GTF2IRD1: variants seen among roughly 807,000 people sequenced by gnomAD.
GTF2IRD1 encodes GTF2I repeat domain containing 1, also known as general transcription factor II-I repeat domain-containing protein 1.
GTF2IRD1 carries 26 observed loss-of-function variants against 113.2 expected under a neutral mutation model. That is an observed-to-expected ratio of 0.23 (90% CI 0.17 to 0.32). The LOEUF is 0.32. Ranked by LOEUF, GTF2IRD1 falls within the 10% of genes least tolerant of loss-of-function variation. The probability of loss-of-function intolerance (pLI) is 1.00; values close to 1 mark genes in which losing one functional copy is unlikely to be tolerated. For synonymous variants in GTF2IRD1, 484 were observed against 529.1 expected, an observed-to-expected ratio of 0.91 and a Z score of 1.17; for missense variants, 864 against 1,280.8, an observed-to-expected ratio of 0.67 and a Z score of 4.97.
intron 9 of GTF2IRD1, among the ~76,000 whole-genome samples, chr7:74,532,510 C>T (rs963108740): frequency 3.9e-5 from 6 of 152,278 alleles, no homozygotes; most frequent in Non-Finnish European, 7.3e-5. Context: ...GCTATGATCA[C>T]GCCACTGCAC....
chr7:74,514,988 T>C, intron 3 of GTF2IRD1, among the ~76,000 whole-genome samples: 1 of 131,600 alleles, frequency 7.6e-6, no homozygotes. Context: ...ACCCTGGAGG[T>C]GGAGGTTGTA....
intron 1 of GTF2IRD1, among the ~76,000 whole-genome samples, chr7:74,491,213 C>T (rs556899617): frequency 1.3e-5 from 2 of 150,900 alleles, no homozygotes; most frequent in South Asian, 2.1e-4. Context: ...GGCTGAGGCA[C>T]GAGAATCGCC....
intron 25 of GTF2IRD1, 39 bp downstream of exon 25, chr7:74,595,090 G>A (rs782315861): frequency 2.0e-6 from 3 of 1,473,440 alleles, no homozygotes; most frequent in Admixed American, 3.4e-5. Flanking sequence ...CTGCTCCGTG[G>A]GGACTAGAGA....
At chr7:74,478,938 G>A (rs1340524321) in intron 1 of GTF2IRD1, among the ~76,000 whole-genome samples, 1 of 151,884 alleles carries the variant, frequency 6.6e-6, no homozygotes, top group Non-Finnish European at 1.5e-5. Context: ...TTATAGAGAT[G>A]GGGTCTCACT....
chr7:74,502,337 T>C (rs1796076041), intron 1 of GTF2IRD1, among the ~76,000 whole-genome samples: 1 of 152,220 alleles, frequency 6.6e-6, no homozygotes, highest in Non-Finnish European at 1.5e-5. Flanking sequence ...TAGGCTGCAC[T>C]TCACTGGGGT....
rs1320958382 is a variant in GTF2IRD1 at position 74,517,425 on chromosome 7, ACCTTTT to A, written c.422-713_422-708del. ...TCGGTCTCTCTCCCTTCCTCCCTAC[ACCTTTT>A]TTTTTTTTTTTTTTTTTTTGAGATG... On this transcript the variant is annotated intron_variant, in intron 4 of 26. Transcript: ENST00000424337. Among the ~76,000 whole-genome samples, 54 of 86,202 alleles carry A rather than the reference ACCTTTT, an allele frequency of 6.3e-4. 2 individuals carry two copies. The East Asian group carries it at 7.4e-3, about 12-fold the overall frequency. 56.6% of individuals were successfully genotyped at this position (86,202 alleles called of 152,430 possible).
intron 22 of GTF2IRD1, among the ~76,000 whole-genome samples, chr7:74,564,533 T>C (rs1254109455): frequency 1.3e-5 from 2 of 152,106 alleles, no homozygotes; most frequent in Admixed American, 1.3e-4. Flanking sequence ...GGAAAATCAC[T>C]TGAGCCCAGG....
At chr7:74,473,248 G>A (rs1162522501) in intron 1 of GTF2IRD1, among the ~76,000 whole-genome samples, 1 of 152,218 alleles carries the variant, frequency 6.6e-6, no homozygotes, top group African/African-American at 2.4e-5. Flanking sequence ...GGAGAACCTG[G>A]TGGGGGCAGG....
intron 1 of GTF2IRD1, among the ~76,000 whole-genome samples, chr7:74,456,921 G>T (rs1793019905): frequency 6.6e-6 from 1 of 152,030 alleles, no homozygotes. Flanking sequence ...GGTATCTTTG[G>T]GCTGAAGACT....
At chr7:74,582,835 C>T (rs1339290788) in intron 22 of GTF2IRD1, among the ~76,000 whole-genome samples, 1 of 151,906 alleles carries the variant, frequency 6.6e-6, no homozygotes. Context: ...TTCAAAAACT[C>T]ACGATTTAAA....
Position 74,600,141 on chromosome 7 carries a change from T to G in GTF2IRD1, c.2630-903T>G, listed in dbSNP as rs587666954. The stretch of plus-strand genomic sequence containing the variant: ...AAACTGAGAATGCGATTAATATTGT[T>G]GCCATGAGCCAGGCACGGTGGCTCA... On this transcript the variant is annotated intron_variant, in intron 25 of 26. Transcript: ENST00000424337. Among the ~76,000 whole-genome samples the G allele has an allele frequency of 2.6e-5, 4 of 152,206 alleles. No homozygotes were observed. The South Asian group carries it at 8.3e-4, about 32-fold the overall frequency.
At chr7:74,495,720 A>T (rs1795619216) in intron 1 of GTF2IRD1, among the ~76,000 whole-genome samples, 1 of 152,274 alleles carries the variant, frequency 6.6e-6, no homozygotes, top group Non-Finnish European at 1.5e-5. Flanking sequence ...GCTAAGAGGG[A>T]GCCAGCAGCG....
intron 19 of GTF2IRD1, among the ~76,000 whole-genome samples, chr7:74,556,780 T>C (rs1215884663): frequency 0.033 from 3,834 of 116,636 alleles, 1 homozygote; most frequent in African/African-American, 0.037. Flanking sequence ...CGCACCACCA[T>C]GCCTGGCTAA....
intron 1 of GTF2IRD1, among the ~76,000 whole-genome samples, chr7:74,491,311 C>CTTTTTT (rs1178298791): frequency 7.3e-5 from 7 of 95,686 alleles, no homozygotes; most frequent in South Asian, 3.9e-4. Flanking sequence ...AAAAAAAATT[C>CTTTTTT]TTTTTTTTTT....
At chr7:74,455,272 G>A (rs1251711900) in intron 1 of GTF2IRD1, among the ~76,000 whole-genome samples, 12 of 152,220 alleles carry the variant, frequency 7.9e-5, no homozygotes, top group South Asian at 2.1e-4. Flanking sequence ...TGGGCCTGGC[G>A]GGTGGGAGTG....
chr7:74,476,817 C>T (rs1794440596), intron 1 of GTF2IRD1, among the ~76,000 whole-genome samples: 1 of 152,110 alleles, frequency 6.6e-6, no homozygotes, highest in Admixed American at 6.6e-5. Context: ...CTTTGGTCAC[C>T]GTTTATAAAC....
At chr7:74,473,125 CT>C (rs1446038118) in intron 1 of GTF2IRD1, among the ~76,000 whole-genome samples, 1 of 152,222 alleles carries the variant, frequency 6.6e-6, no homozygotes, top group Non-Finnish European at 1.5e-5. Flanking sequence ...CTGACATCAC[CT>C]GGAGTAACCC....
chr7:74,601,228 A>G (rs1027394504), intron 26 of GTF2IRD1, 48 bp downstream of exon 26: 5 of 1,552,510 alleles, frequency 3.2e-6, no homozygotes, highest in Non-Finnish European at 4.4e-6. Context: ...TGTGGCCCTC[A>G]CCCCTCTGTC....
chr7:74,567,951 A>C (rs1281402466), intron 22 of GTF2IRD1, among the ~76,000 whole-genome samples: 1 of 151,662 alleles, frequency 6.6e-6, no homozygotes, highest in Non-Finnish European at 1.5e-5. Flanking sequence ...GCGCCCGACT[A>C]TTTTTTGTAT....
Sources: gnomAD v4.1 joint callset for allele counts (sites outside exome capture counted in the v4.1 genomes callset) on GRCh38, gnomAD v4.1.1 for gene constraint, MANE v1.5 for transcripts, NCBI Gene and HGNC (gene_info 2026-07-23, HGNC 2026-07-21) for gene names.